ZNF280B: variants seen among roughly 807,000 people sequenced by gnomAD.
The protein encoded by ZNF280B is zinc finger protein 280B, also known as suppressor of hairy wing homolog 2.
Under a neutral mutation model 38.0 loss-of-function variants are expected in ZNF280B, and 16 were observed. The ratio of observed to expected loss-of-function variants is 0.42; its 90% confidence interval spans 0.28 to 0.64. The LOEUF (loss-of-function observed/expected upper bound fraction) is 0.64, where lower values mean the gene tolerates loss of function less well. Among genes scored for constraint, ZNF280B ranks in the 30% least tolerant of loss-of-function variants. ZNF280B has a pLI of 0.21. For missense variants in ZNF280B, 581 were observed against 639.6 expected (o/e 0.91, Z 0.99); for synonymous variants, 253 against 230.6 (o/e 1.10, Z -0.88).
chr22:22,489,147 G>C lies in ZNF280B; in HGVS notation c.252C>G (p.Arg84=), dbSNP rs1340739075. 6.2e-7 allele frequency: 1 copy of C among 1,613,730 alleles called. No individual in the cohort carries two copies. Among genetic ancestry groups the C allele is most frequent in the Non-Finnish European group, 8.5e-7 (1 of 1,179,970 alleles). Residue 84 remains arginine, a synonymous_variant, in exon 4 of 4, where the codon CGC becomes CGG. Transcript: ENST00000626650. ...TCTCATGACTTTTAGGCTGCAATTT[G>C]CGAGCAGTATCTTTTCTAAGGTGAT... ...KYDHLRKDTA[R]KLQPKSHETV...
chr22:22,505,879 T>A (rs117225100), intron 2 of ZNF280B, among the ~76,000 whole-genome samples: 3,397 of 152,056 alleles, frequency 0.022, 61 homozygotes, highest in Middle Eastern at 0.097. Flanking sequence ...CTCATTTCAT[T>A]AGGATTGCTG....
chr22:22,494,391 A>G (rs528319189), intron 2 of ZNF280B, among the ~76,000 whole-genome samples: 68 of 152,092 alleles, frequency 4.5e-4, no homozygotes, highest in African/African-American at 1.4e-3. Context: ...AACAAAGCTA[A>G]TAAGTTAATG....
chr22:22,488,431 T>C lies in ZNF280B; in HGVS notation c.968A>G (p.Asn323Ser), dbSNP rs1172471054. 1.9e-6 allele frequency: 3 copies of C among 1,613,730 alleles called. No individual in the cohort carries two copies. Among genetic ancestry groups the C allele is most frequent in the Admixed American group, 1.7e-5 (1 of 59,952 alleles). ...VKVLKNVKFM[N>S]HVKHHLEFEK... ...AAATTCCAAATGATGCTTCACGTGATTCATAAACTTAACATTTTTTAGAAC... is the reference window on the plus strand; with the variant it reads ...AAATTCCAAATGATGCTTCACGTGACTCATAAACTTAACATTTTTTAGAAC... Residue 323 changes from asparagine (N) to serine (S), a missense_variant, in exon 4 of 4, where the codon AAT becomes AGT. Transcript: ENST00000626650.
At position 22,488,564 on chromosome 22, in the gene ZNF280B, C is replaced by G; in HGVS notation, c.835G>C (p.Glu279Gln). Residue 279 changes from glutamate (E) to glutamine (Q), a missense_variant, in exon 4 of 4, where the codon GAA (glutamate) becomes CAA (glutamine). Coordinates refer to ENST00000626650, the MANE Select transcript of ZNF280B (RefSeq NM_080764.4). The part of the protein sequence containing the change: ...SQNKTFDPKK[E>Q]NPIVLLSDFY... ...TCACTAAGTAACACAATGGGATTTT[C>G]TTTCTTGGGATCAAAGGTCTTGTTT... is the stretch of plus-strand genomic sequence containing the variant. The G allele has an allele frequency of 6.2e-7, 1 of 1,613,872 alleles. No homozygotes were observed. Among genetic ancestry groups the G allele is most frequent in the Non-Finnish European group, 8.5e-7 (1 of 1,179,960 alleles).
chr22:22,494,315 C>T (rs926918831), intron 2 of ZNF280B, 135 bp from the exon 3 acceptor site: 3 of 151,934 alleles, frequency 2.0e-5, no homozygotes, highest in African/African-American at 7.3e-5. Context: ...GGCTGTTGTC[C>T]ATACTGATTA....
chr22:22,508,126 T>G (rs12160374), intron 1 of ZNF280B, among the ~76,000 whole-genome samples: 3 of 151,610 alleles, frequency 2.0e-5, no homozygotes, highest in African/African-American at 7.3e-5. Context: ...GGGACTCCAT[T>G]AGGGTCCCAG....
At chr22:22,490,479 A>T (rs1405228835) in intron 3 of ZNF280B, among the ~76,000 whole-genome samples, 2 of 151,856 alleles carry the variant, frequency 1.3e-5, no homozygotes, top group Non-Finnish European at 2.9e-5. Flanking sequence ...TTAATTTTTT[A>T]AATTAAATTT....
intron 3 of ZNF280B, among the ~76,000 whole-genome samples, chr22:22,490,902 C>G (rs2061580767): frequency 6.6e-6 from 1 of 151,834 alleles, no homozygotes; most frequent in African/African-American, 2.4e-5. Context: ...AAGTATCCCT[C>G]TCGGTGAGGT....
intron 2 of ZNF280B, among the ~76,000 whole-genome samples, chr22:22,499,509 C>T (rs749257297): frequency 8.3e-4 from 126 of 151,772 alleles, no homozygotes; most frequent in African/African-American, 2.5e-3. Flanking sequence ...TCAGGTGATC[C>T]GCCTGCCTTG....
intron 3 of ZNF280B, among the ~76,000 whole-genome samples, chr22:22,490,723 C>T (rs1358939076): frequency 2.0e-5 from 3 of 151,880 alleles, no homozygotes; most frequent in Non-Finnish European, 2.9e-5. Flanking sequence ...GTGCCTTGGC[C>T]TCCCAAAGTG....
chr22:22,505,824 T>C (rs1297061693), intron 2 of ZNF280B, among the ~76,000 whole-genome samples: 1 of 151,856 alleles, frequency 6.6e-6, no homozygotes, highest in Non-Finnish European at 1.5e-5. Context: ...CTGAGTGTGA[T>C]GAGAGATTAC....
At chr22:22,508,113 G>T (rs2061976321) in intron 1 of ZNF280B, among the ~76,000 whole-genome samples, 2 of 151,858 alleles carry the variant, frequency 1.3e-5, no homozygotes, top group South Asian at 4.2e-4. Context: ...GGCTCTCACG[G>T]GAGGGACTCC....
chr22:22,508,626 A>T (rs1311274801), intron 1 of ZNF280B, 33 bp downstream of exon 1: 2 of 151,992 alleles, frequency 1.3e-5, no homozygotes, highest in Admixed American at 6.6e-5. Flanking sequence ...CCCCTCAGGG[A>T]ACGCTGAAGC....
intron 2 of ZNF280B, among the ~76,000 whole-genome samples, chr22:22,494,509 C>T (rs2061656697): frequency 6.6e-6 from 1 of 151,834 alleles, no homozygotes; most frequent in African/African-American, 2.4e-5. Context: ...TGAATGAATG[C>T]TTATTTTCCA....
intron 3 of ZNF280B, 107 bp downstream of exon 3, chr22:22,493,950 TGTGATG>T (rs1420977277): frequency 6.7e-6 from 1 of 148,362 alleles, no homozygotes; most frequent in African/African-American, 2.5e-5. Context: ...TAACCCCCAA[TGTGATG>T]GTATATAGAG....
chr22:22,501,575 TAAAATAA>T (rs1402411182), intron 2 of ZNF280B, among the ~76,000 whole-genome samples: 4 of 151,066 alleles, frequency 2.6e-5, no homozygotes, highest in Admixed American at 6.6e-5. Context: ...AAAAATAAAA[TAAAATAA>T]AAAATAAAAA....
In ZNF280B at chr22:22,486,024, T is replaced by C. The variant is rs753048350; in HGVS notation, c.*1743A>G. ...AGATTCACCCATAGTACAGATTAGA[T>C]AGGATAGATCAGATGAAGGACATTA... On this transcript the variant is annotated 3_prime_UTR_variant, in exon 4 of 4. Coordinates refer to ENST00000626650, the MANE Select transcript of ZNF280B (RefSeq NM_080764.4). 1 of 151,948 alleles carries C rather than the reference T, an allele frequency of 6.6e-6. No individual in the cohort carries two copies. The highest frequency in any genetic ancestry group is 2.4e-5 in the African/African-American group (1 of 41,380). 9.4% of individuals were successfully genotyped at this position (151,948 alleles called of 1,614,324 possible).
rs901975840 is a variant in ZNF280B, at chr22:22,486,127, A to G, written c.*1640T>C. Reference sequence around the variant, plus strand: ...GTGTGTCAGGTAAGACCCAAACAGCATTAGTGTCAAAAAACTGGGAAACTA... The same window carrying G: ...GTGTGTCAGGTAAGACCCAAACAGCGTTAGTGTCAAAAAACTGGGAAACTA... On this transcript the variant is annotated 3_prime_UTR_variant, in exon 4 of 4. Transcript: ENST00000626650. 2 of 152,042 alleles carry G rather than the reference A, an allele frequency of 1.3e-5. No homozygotes were observed. The highest frequency in any genetic ancestry group is 2.9e-5 in the Non-Finnish European group (2 of 68,028). The allele number at this position is 152,042 out of a possible 1,614,324, so 9.4% of individuals were successfully genotyped here.
chr22:22,502,210 CT>C (rs2061840376), intron 2 of ZNF280B, among the ~76,000 whole-genome samples: 1 of 151,970 alleles, frequency 6.6e-6, no homozygotes, highest in South Asian at 2.1e-4. Context: ...TGAAATGCTG[CT>C]CAATATAGTC....
Sources: gnomAD v4.1 joint callset for allele counts (sites outside exome capture counted in the v4.1 genomes callset) on GRCh38, gnomAD v4.1.1 for gene constraint, MANE v1.5 for transcripts, NCBI Gene and HGNC (gene_info 2026-07-23, HGNC 2026-07-21) for gene names.